CNTN4: variants seen among roughly 807,000 people sequenced by gnomAD.
The protein encoded by CNTN4 is contactin 4, also known as contactin-4.
CNTN4 carries 77 observed loss-of-function variants against 122.5 expected under a neutral mutation model. The ratio of observed to expected loss-of-function variants is 0.63; its 90% CI spans 0.52 to 0.76. The LOEUF is 0.76. CNTN4 is among the 30% of genes least tolerant of loss of function. The pLI is 0.00. For missense variants in CNTN4, 1,256 were observed against 1,259.1 expected, an observed-to-expected ratio of 1.00 and a Z score of 0.04; for synonymous variants, 512 against 447.0, an observed-to-expected ratio of 1.15 and a Z score of -1.83.
chr3:2,972,718 C>T (rs1157212910), intron 13 of CNTN4, among the ~76,000 whole-genome samples: 1 of 152,086 alleles, frequency 6.6e-6, no homozygotes, highest in East Asian at 1.9e-4. Flanking sequence ...TGCCAGAAAA[C>T]TCCTTTACAT....
chr3:2,853,026 T>C (rs1405218128), intron 7 of CNTN4, among the ~76,000 whole-genome samples: 1 of 152,196 alleles, frequency 6.6e-6, no homozygotes, highest in African/African-American at 2.4e-5. Context: ...AGGAAATTAG[T>C]ATACAACTAT....
intron 3 of CNTN4, among the ~76,000 whole-genome samples, chr3:2,536,373 TG>T (rs1482884551): frequency 6.6e-6 from 1 of 152,150 alleles, no homozygotes; most frequent in Non-Finnish European, 1.5e-5. Flanking sequence ...ATCTCCCCAG[TG>T]ACTGGTGGTG....
chr3:2,385,433 T>C lies in CNTN4; in HGVS notation c.-89+46200T>C, dbSNP rs2046214660. ...CCTGAGCAATATTCCTGGTGTCTTGTTCATAGCAGATGCTTGTATTAGTTT... is the reference window on the plus strand; with the variant it reads ...CCTGAGCAATATTCCTGGTGTCTTGCTCATAGCAGATGCTTGTATTAGTTT... On this transcript the variant is annotated intron_variant, in intron 3 of 24. Transcript: ENST00000418658. This position sits in a 1 kb window ranked among gnomAD's most constrained non-coding sequence, Gnocchi z 4.0. Among the ~76,000 whole-genome samples the C allele has an allele frequency of 6.6e-6, 1 of 152,104 alleles. No individual in the cohort carries two copies. Among genetic ancestry groups the C allele is most frequent in the Non-Finnish European group, 1.5e-5 (1 of 68,040 alleles).
At chr3:2,402,482 G>A (rs1016088062) in intron 3 of CNTN4, among the ~76,000 whole-genome samples, 1 of 152,170 alleles carries the variant, frequency 6.6e-6, no homozygotes, top group African/African-American at 2.4e-5. Context: ...AACATACAAT[G>A]TGTAATTATT....
intron 2 of CNTN4, among the ~76,000 whole-genome samples, chr3:2,193,381 C>G (rs959211069): frequency 1.3e-5 from 2 of 151,546 alleles, no homozygotes; most frequent in South Asian, 2.1e-4. Flanking sequence ...TAGAGAACAT[C>G]AGGGTGATAG....
At chr3:2,646,431 A>G (rs2083122236) in intron 4 of CNTN4, among the ~76,000 whole-genome samples, 1 of 152,202 alleles carries the variant, frequency 6.6e-6, no homozygotes, top group African/African-American at 2.4e-5. Flanking sequence ...TAATTCGGGA[A>G]TAATAAAAAG....
At chr3:3,038,828 G>C in intron 18 of CNTN4, 105 bp from the exon 19 acceptor site, 1 of 834,104 alleles carries the variant, frequency 1.2e-6, no homozygotes, top group Admixed American at 1.9e-5. Flanking sequence ...AAAGGGGCGT[G>C]CCTCAGAGTA....
intron 4 of CNTN4, among the ~76,000 whole-genome samples, chr3:2,717,010 A>T (rs564733640): frequency 6.6e-6 from 1 of 152,216 alleles, no homozygotes; most frequent in Non-Finnish European, 1.5e-5. Context: ...TTATCCATTC[A>T]TCAGTCAATG....
intron 2 of CNTN4, among the ~76,000 whole-genome samples, chr3:2,197,886 A>C (rs546130926): frequency 2.5e-4 from 38 of 152,118 alleles, no homozygotes; most frequent in Non-Finnish European, 3.7e-4. Context: ...GTGGTGTTGC[A>C]TGCCTGTAAT....
At chr3:2,844,626 C>T (rs886630108) in intron 7 of CNTN4, among the ~76,000 whole-genome samples, 10 of 152,102 alleles carry the variant, frequency 6.6e-5, no homozygotes, top group African/African-American at 2.2e-4. Flanking sequence ...TGCCATCATA[C>T]CTGCAAAATT....
chr3:2,105,979 G>A (rs2032405037), intron 2 of CNTN4, among the ~76,000 whole-genome samples: 1 of 152,216 alleles, frequency 6.6e-6, no homozygotes, highest in Admixed American at 6.5e-5. Flanking sequence ...AAAACAAAGG[G>A]GCTACAGGCC....
At chr3:3,050,727 C>T (rs1244849054) in intron 23 of CNTN4, among the ~76,000 whole-genome samples, 2 of 136,198 alleles carry the variant, frequency 1.5e-5, no homozygotes, top group Non-Finnish European at 1.5e-5. Context: ...CACACCATCG[C>T]ACTCTAGCCT....
rs539537737 is a variant in CNTN4, at chr3:3,039,180, A to C, written c.2163+177A>C. 1.6e-5 allele frequency: 10 copies of C among 630,762 alleles called. No individual in the cohort carries two copies. In the South Asian group the frequency reaches 1.8e-4, roughly 12 times the overall value. 39.1% of individuals were successfully genotyped at this position (630,762 alleles called of 1,614,324 possible). On this transcript the variant is annotated intron_variant, in intron 19 of 24. Coordinates refer to ENST00000418658, the MANE Select transcript of CNTN4 (RefSeq NM_175607.3). ...CTAGCAGGAAGGACGGCACTTGCCC[A>C]TCCATTGTTGAGGCAAGTTTTAATT...
intron 3 of CNTN4, among the ~76,000 whole-genome samples, chr3:2,456,689 C>G (rs1331014158): frequency 2.0e-5 from 3 of 152,146 alleles, no homozygotes; most frequent in African/African-American, 7.2e-5. Flanking sequence ...ATCGTAGCAC[C>G]TGTCAGTATT....
intron 6 of CNTN4, among the ~76,000 whole-genome samples, chr3:2,812,900 C>T (rs2092645868): frequency 1.3e-5 from 2 of 152,186 alleles, no homozygotes; most frequent in South Asian, 4.1e-4. Flanking sequence ...TACTCAGGTC[C>T]TTCTGACTCC....
chr3:2,281,453 C>T (rs1031302359), intron 2 of CNTN4, among the ~76,000 whole-genome samples: 24 of 151,994 alleles, frequency 1.6e-4, no homozygotes, highest in African/African-American at 5.6e-4. Flanking sequence ...CTGTAATGCC[C>T]TTGAAGTGTT....
intron 2 of CNTN4, among the ~76,000 whole-genome samples, chr3:2,251,549 A>T (rs2040379698): frequency 6.6e-6 from 1 of 151,822 alleles, no homozygotes; most frequent in African/African-American, 2.4e-5. Context: ...AAAAAGAATG[A>T]ATTTGACTTT....
chr3:2,681,138 C>T (rs182066108), intron 4 of CNTN4, among the ~76,000 whole-genome samples: 2 of 152,176 alleles, frequency 1.3e-5, no homozygotes, highest in Admixed American at 1.3e-4. Context: ...GAGATACGGC[C>T]CGCCACCCAA....
At chr3:3,038,744 C>A (rs557099891) in intron 18 of CNTN4, among the ~76,000 whole-genome samples, 189 bp from the exon 19 acceptor site, 1 of 152,058 alleles carries the variant, frequency 6.6e-6, no homozygotes, top group Non-Finnish European at 1.5e-5. Context: ...TAATAGCAGT[C>A]TCCTTGGTAC....
Sources: gnomAD v4.1 joint callset for allele counts (sites outside exome capture counted in the v4.1 genomes callset) on GRCh38, gnomAD v4.1.1 for gene constraint, Gnocchi (gnomAD v3.1) non-coding constraint, MANE v1.5 for transcripts, NCBI Gene and HGNC (gene_info 2026-07-23, HGNC 2026-07-21) for gene names.